Variants in ZNF576 observed in about 807,000 individuals in gnomAD.
ZNF576 encodes the protein zinc finger protein 576.
A neutral mutation model predicts 10.8 loss-of-function variants in ZNF576; 9 were observed. That is an observed-to-expected ratio of 0.84 (90% CI 0.50 to 1.46). The LOEUF (loss-of-function observed/expected upper bound fraction) is 1.46, where lower values mean the gene tolerates loss of function less well. Ranked by LOEUF, ZNF576 falls within the 40% of genes most tolerant of loss-of-function variation. The pLI is 0.00. For synonymous variants in ZNF576, 88 were observed against 89.6 expected, an observed-to-expected ratio of 0.98 and a Z score of 0.10; for missense variants, 191 against 233.7, an observed-to-expected ratio of 0.82 and a Z score of 1.19.
Position 43,599,317 on chromosome 19 carries a change from T to C in ZNF576, c.*59T>C, listed in dbSNP as rs1973185600. The C allele has an allele frequency of 2.0e-6, 3 of 1,529,178 alleles. No individual in the cohort carries two copies. The highest frequency in any genetic ancestry group is 1.4e-5 in the African/African-American group (1 of 73,132). 94.7% of individuals were successfully genotyped at this position (1,529,178 alleles called of 1,614,324 possible). A position where few individuals can be genotyped will look rare whatever the true frequency, so the allele number is the denominator to read the frequency against. On this transcript the variant is annotated 3_prime_UTR_variant, in exon 3 of 3. Transcript: ENST00000336564. ...CTCTGTGGCTGGTAGGACTCACCCA[T>C]GATATGGGGTGCAGGAACTCTGGGG...
At chr19:43,598,016 A>T (rs907225581) in intron 2 of ZNF576, among the ~76,000 whole-genome samples, 20 of 152,156 alleles carry the variant, frequency 1.3e-4, no homozygotes, top group African/African-American at 4.3e-4. Flanking sequence ...TTTGCTCTGG[A>T]TTGGATGCTA....
rs113992430 is a variant in ZNF576 at position 43,597,037 on chromosome 19, C to T, written c.-15-57C>T. On this transcript the variant is annotated intron_variant, in intron 1 of 2. Coordinates refer to ENST00000336564, the MANE Select transcript of ZNF576 (RefSeq NM_001145347.2). ...TCAAAGGTCATAGACTTAGGGTGCC[C>T]TCTAAGACTGGTAACAGATGAACAG... is the stretch of plus-strand genomic sequence containing the variant. 1.5e-3 allele frequency: 2,267 copies of T among 1,523,970 alleles called. 26 individuals carry two copies. In the African/African-American group the frequency reaches 0.028, roughly 19 times the overall value. The allele number at this position is 1,523,970 out of a possible 1,614,324, so 94.4% of individuals were successfully genotyped here.
intron 2 of ZNF576, 50 bp from the exon 3 acceptor site, chr19:43,598,781 T>C (rs1431904688): frequency 7.0e-7 from 1 of 1,434,672 alleles, no homozygotes; most frequent in East Asian, 2.3e-5. Flanking sequence ...CAGGAAGAGG[T>C]CTTGGAGACT....
chr19:43,597,123 C>A lies in ZNF576; in HGVS notation c.15C>A (p.Asn5Lys), dbSNP rs1311579579. Residue 5 changes from asparagine to lysine, a missense_variant, in exon 2 of 3, where the codon AAC becomes AAA. By Grantham distance (94) the Asn-to-Lys change is moderately conservative (BLOSUM62 0). Coordinates refer to ENST00000336564, the MANE Select transcript of ZNF576 (RefSeq NM_001145347.2). MEDPNPEENMKQQDS... is the reference protein window; with the variant it reads MEDPKPEENMKQQDS... ...GTCCCAGCACCATGGAGGACCCGAACCCTGAAGAGAACATGAAGCAGCAGG... is the reference window on the plus strand; with the variant it reads ...GTCCCAGCACCATGGAGGACCCGAAACCTGAAGAGAACATGAAGCAGCAGG... The A allele has an allele frequency of 7.4e-6, 12 of 1,614,080 alleles. No homozygotes were observed. The South Asian group carries it at 1.3e-4, about 18-fold the overall frequency.
In ZNF576 at chr19:43,599,267, T is replaced by A. The variant is rs999704858; in HGVS notation, c.*9T>A. ...CCCGGGGGGAGCTCTGAGTGCAGCT[T>A]AAGCCTCTCCACGGTGACGGGTGGC... On this transcript the variant is annotated 3_prime_UTR_variant, in exon 3 of 3. Transcript: ENST00000336564. 2.5e-6 allele frequency: 4 copies of A among 1,607,452 alleles called. No homozygotes were observed. The African/African-American group carries it at 4.0e-5, about 16-fold the overall frequency.
intron 2 of ZNF576, chr19:43,597,529 CTTT>C: frequency 4.4e-6 from 1 of 226,884 alleles, no homozygotes. Context: ...CTGCCCTAGA[CTTT>C]CAGTGTAACT....
rs1292770391 is a variant in ZNF576 at position 43,599,275 on chromosome 19, T to C, written c.*17T>C. ...GAGCTCTGAGTGCAGCTTAAGCCTC[T>C]CCACGGTGACGGGTGGCTCTGTGGC... On this transcript the variant is annotated 3_prime_UTR_variant, in exon 3 of 3. Transcript: ENST00000336564. 6.2e-7 allele frequency: 1 copy of C among 1,601,618 alleles called. No homozygotes were observed. Among genetic ancestry groups the C allele is most frequent in the African/African-American group, 1.3e-5 (1 of 74,680 alleles).
In ZNF576 at chr19:43,597,174, G is replaced by A. The variant is rs1349821012; in HGVS notation, c.66G>A (p.Gln22=). The part of the protein sequence containing the change: ...QQDSPKERSP[Q]SPGGNICHLG... ...ATTCACCCAAGGAGAGAAGTCCCCAGAGCCCAGGAGGCAACATCTGTGAGT... is the reference window on the plus strand; with the variant it reads ...ATTCACCCAAGGAGAGAAGTCCCCAAAGCCCAGGAGGCAACATCTGTGAGT... The change falls in exon 2 of 3, where the codon CAG becomes CAA. Residue 22 remains glutamine, a synonymous_variant. Transcript: ENST00000336564. 1 of 1,614,002 alleles carries A rather than the reference G, an allele frequency of 6.2e-7. No individual in the cohort carries two copies. The highest frequency in any genetic ancestry group is 8.5e-7 in the Non-Finnish European group (1 of 1,180,006).
At chr19:43,597,989 G>T (rs1421345368) in intron 2 of ZNF576, among the ~76,000 whole-genome samples, 1 of 152,114 alleles carries the variant, frequency 6.6e-6, no homozygotes, top group African/African-American at 2.4e-5. Flanking sequence ...TTTTGGGGAA[G>T]GTTCAAGCAA....
At chr19:43,597,344 A>G (rs1342538709) in intron 2 of ZNF576, 151 bp downstream of exon 2, 2 of 659,464 alleles carry the variant, frequency 3.0e-6, no homozygotes, top group Non-Finnish European at 5.4e-6. Context: ...CAGGAAGTGC[A>G]TCTCCTCACA....
At position 43,599,343 on chromosome 19, in the gene ZNF576, G is replaced by A; in HGVS notation, c.*85G>A. On this transcript the variant is annotated 3_prime_UTR_variant, in exon 3 of 3. Transcript: ENST00000336564. ...GATATGGGGTGCAGGAACTCTGGGG[G>A]CCCTGAAGGATTTGCTTCCCTCCCC... is the stretch of plus-strand genomic sequence containing the variant. The A allele has an allele frequency of 1.4e-6, 2 of 1,404,630 alleles. No homozygotes were observed. The highest frequency in any genetic ancestry group is 1.4e-5 in the South Asian group (1 of 70,836). The allele number at this position is 1,404,630 out of a possible 1,614,324, so 87.0% of individuals were successfully genotyped here.
intron 1 of ZNF576, 173 bp from the exon 2 acceptor site, chr19:43,596,921 A>C (rs1973151190): frequency 3.5e-6 from 2 of 570,032 alleles, no homozygotes; most frequent in East Asian, 6.1e-5. Flanking sequence ...GGAGGTTTGA[A>C]GCTTCTTTTA....
chr19:43,601,040 A>G lies in ZNF576; in HGVS notation c.*1782A>G, dbSNP rs1973202442. ...CCAGCCCACTTCCATATTGCTATCT[A>G]AGAAAGAAACTTCTATCTTATTTAA... On this transcript the variant is annotated 3_prime_UTR_variant, in exon 3 of 3. Transcript: ENST00000336564. 6.6e-6 allele frequency: 1 copy of G among 152,180 alleles called. No homozygotes were observed. Among genetic ancestry groups the G allele is most frequent in the Non-Finnish European group, 1.5e-5 (1 of 68,038 alleles). The allele number at this position is 152,180 out of a possible 1,614,324, so 9.4% of individuals were successfully genotyped here.
chr19:43,598,785 G>A (rs751449977), intron 2 of ZNF576, 46 bp from the exon 3 acceptor site: 4 of 1,467,192 alleles, frequency 2.7e-6, no homozygotes, highest in Admixed American at 2.2e-5. Flanking sequence ...AAGAGGTCTT[G>A]GAGACTCCTG....
At position 43,597,141 on chromosome 19, in the gene ZNF576, G is replaced by A. The variant is rs1973154333; in HGVS notation, c.33G>A (p.Lys11=). The stretch of plus-strand genomic sequence containing the variant: ...ACCCGAACCCTGAAGAGAACATGAA[G>A]CAGCAGGATTCACCCAAGGAGAGAA... MEDPNPEENM[K]QQDSPKERSP... Residue 11 remains lysine, a synonymous_variant, in exon 2 of 3, where the codon AAG becomes AAA. Coordinates refer to ENST00000336564, the MANE Select transcript of ZNF576 (RefSeq NM_001145347.2). 6.2e-7 allele frequency: 1 copy of A among 1,614,000 alleles called. No individual in the cohort carries two copies. Among genetic ancestry groups the A allele is most frequent in the Non-Finnish European group, 8.5e-7 (1 of 1,180,010 alleles).
chr19:43,599,273 T>C lies in ZNF576; in HGVS notation c.*15T>C. 6.2e-7 allele frequency: 1 copy of C among 1,602,236 alleles called. No homozygotes were observed. Among genetic ancestry groups the C allele is most frequent in the Middle Eastern group, 1.7e-4 (1 of 6,024 alleles). On this transcript the variant is annotated 3_prime_UTR_variant, in exon 3 of 3. Coordinates refer to ENST00000336564, the MANE Select transcript of ZNF576 (RefSeq NM_001145347.2). ...GGGAGCTCTGAGTGCAGCTTAAGCC[T>C]CTCCACGGTGACGGGTGGCTCTGTG...
chr19:43,597,448 G>A, intron 2 of ZNF576: 1 of 400,842 alleles, frequency 2.5e-6, no homozygotes, highest in African/African-American at 2.0e-5. Context: ...GCTTCCAGGA[G>A]AGGCTTGGGT....
chr19:43,598,971 T>C lies in ZNF576; in HGVS notation c.226T>C (p.Cys76Arg). Residue 76 changes from cysteine (C) to arginine (R), a missense_variant, in exon 3 of 3, where the codon TGC becomes CGC. Transcript: ENST00000336564. ...GGGGGTCCTCTTCATCTGCTTCACC[T>C]GCGCCCGCTCCTTCCCCTCCTCCAA... ...LQGVLFICFT[C>R]ARSFPSSKAL... 6.2e-7 allele frequency: 1 copy of C among 1,614,114 alleles called. No homozygotes were observed. Among genetic ancestry groups the C allele is most frequent in the Non-Finnish European group, 8.5e-7 (1 of 1,179,978 alleles).
Position 43,599,130 on chromosome 19 carries a change from C to A in ZNF576, c.385C>A (p.Arg129=). The change falls in exon 3 of 3, where the codon CGG becomes AGG. Residue 129 remains arginine, a synonymous_variant. Transcript: ENST00000336564. ...CTTTGGGCAGGCTGTTTCTCTGAGG[C>A]GGCACCGCCAGATGCATGAGGTCCG... The part of the protein sequence containing the change: ...KTFGQAVSLR[R]HRQMHEVRAP... 1 of 1,614,226 alleles carries A rather than the reference C, an allele frequency of 6.2e-7. No homozygotes were observed. Among genetic ancestry groups the A allele is most frequent in the Non-Finnish European group, 8.5e-7 (1 of 1,180,036 alleles).
Sources: allele counts gnomAD v4.1 joint callset (sites outside exome capture counted in the v4.1 genomes callset), GRCh38; gene constraint gnomAD v4.1.1; transcripts MANE v1.5; gene names NCBI Gene and HGNC (gene_info 2026-07-23, HGNC 2026-07-21).